The following AFF2 variants were observed in gnomAD, a reference collection of about 807,000 sequenced individuals.
AFF2 encodes the protein ALF transcription elongation factor 2, also known as AF4/FMR2 family member 2.
A neutral mutation model predicts 76.9 loss-of-function variants in AFF2; 14 were observed. The observed-to-expected ratio is 0.18, with a 90% CI of 0.12 to 0.28. AFF2 has a LOEUF of 0.28. AFF2 is among the 10% of genes least tolerant of loss of function. AFF2 has a pLI of 1.00. For missense variants in AFF2, 868 were observed against 1,001.1 expected (o/e 0.87, Z 1.79); for synonymous variants, 398 against 366.7 (o/e 1.09, Z -0.98).
chrX:148,618,562 G>A (rs1279717716), intron 1 of AFF2, among the ~76,000 whole-genome samples: 2 of 111,105 alleles, frequency 1.8e-5, no homozygotes, highest in African/African-American at 6.5e-5. Flanking sequence ...AGATTTGGGT[G>A]GGACACAGAG....
chrX:148,681,330 A>C (rs2054544025), intron 3 of AFF2, among the ~76,000 whole-genome samples: 1 of 111,705 alleles, frequency 9.0e-6, no homozygotes. Flanking sequence ...TAGCTGGGTT[A>C]TTATCAAGTG....
intron 1 of AFF2, among the ~76,000 whole-genome samples, chrX:148,599,601 T>C (rs2053607342): frequency 9.0e-6 from 1 of 111,657 alleles, no homozygotes; most frequent in Admixed American, 9.5e-5. Flanking sequence ...ATATTGAGTC[T>C]GCTGGTCTCT....
At chrX:148,917,608 A>G (rs1338098515) in intron 9 of AFF2, among the ~76,000 whole-genome samples, 1 of 111,872 alleles carries the variant, frequency 8.9e-6, no homozygotes, top group African/African-American at 3.3e-5. Context: ...CACAGGACTA[A>G]AAAGCATTCA....
intron 3 of AFF2, among the ~76,000 whole-genome samples, chrX:148,704,691 T>C (rs1403986092): frequency 1.9e-5 from 2 of 104,938 alleles, no homozygotes; most frequent in African/African-American, 7.0e-5. Context: ...CACACCCGGC[T>C]AATTTTTGTA....
intron 7 of AFF2, among the ~76,000 whole-genome samples, chrX:148,867,333 C>T (rs781851647): frequency 8.9e-6 from 1 of 112,029 alleles, no homozygotes; most frequent in South Asian, 3.7e-4. Flanking sequence ...CCTGGAGGTC[C>T]CTGGAGAAGG....
intron 7 of AFF2, among the ~76,000 whole-genome samples, chrX:148,880,778 T>A (rs1557278391): frequency 8.9e-6 from 1 of 111,894 alleles, no homozygotes. Flanking sequence ...ACACTGGTTC[T>A]GTCTCCAACA....
intron 3 of AFF2, among the ~76,000 whole-genome samples, chrX:148,668,721 C>T (rs1157161995): frequency 8.9e-6 from 1 of 112,020 alleles, no homozygotes; most frequent in African/African-American, 3.2e-5. Flanking sequence ...GCAGAGGGCC[C>T]TGGACCTGGC....
chrX:148,920,554 G>A (rs1603340416), intron 9 of AFF2, among the ~76,000 whole-genome samples: 1 of 111,346 alleles, frequency 9.0e-6, no homozygotes, highest in East Asian at 2.8e-4. Context: ...ATGGTGTTTT[G>A]AGGGATGTCA....
At chrX:148,767,425 G>T (rs971604150) in intron 3 of AFF2, among the ~76,000 whole-genome samples, 3 of 111,426 alleles carry the variant, frequency 2.7e-5, no homozygotes, top group South Asian at 3.8e-4. Context: ...TTTCTAAAAC[G>T]CAAACAAAGC....
At chrX:148,951,927 G>C (rs1271575892) in intron 9 of AFF2, among the ~76,000 whole-genome samples, 3 of 111,495 alleles carry the variant, frequency 2.7e-5, no homozygotes, top group African/African-American at 9.8e-5. Context: ...TGTACTTGTA[G>C]TTCGCATTTA....
chrX:148,990,298 C>T (rs782112026), intron 20 of AFF2, among the ~76,000 whole-genome samples: 29 of 111,796 alleles, frequency 2.6e-4, no homozygotes, highest in African/African-American at 6.8e-4. Context: ...GAGCATCCCA[C>T]GTTAGGGCAG....
rs928400240 is a variant in AFF2 at position 148,944,794 on chromosome X, C to T, written c.1398-8786C>T. Among the ~76,000 whole-genome samples, 6 of 110,269 alleles carry T rather than the reference C, an allele frequency of 5.4e-5. No homozygotes were observed. The South Asian group carries it at 1.2e-3, about 22-fold the overall frequency. On this transcript the variant is annotated intron_variant, in intron 9 of 20. Coordinates refer to ENST00000370460, the MANE Select transcript of AFF2 (RefSeq NM_002025.4). ...CCATGTACCATGGTGAGGTTGAATCCAGGTGCCTTTTTTTCATTCAGGTTG... is the reference window on the plus strand; with the variant it reads ...CCATGTACCATGGTGAGGTTGAATCTAGGTGCCTTTTTTTCATTCAGGTTG...
rs1471890746 is a variant in AFF2, at chrX:148,998,433, CT to C, written c.*7102del. On this transcript the variant is annotated 3_prime_UTR_variant, in exon 21 of 21. Transcript: ENST00000370460. ...TGTGTCCTGATTTAAAACATGCCCC[CT>C]GGAAAGGCATGCTGTATTATGAAAT... is the stretch of plus-strand genomic sequence containing the variant. 4.4e-5 allele frequency: 5 copies of C among 112,613 alleles called. No homozygotes were observed. Among genetic ancestry groups the C allele is most frequent in the African/African-American group, 1.3e-4 (4 of 30,876 alleles). The allele number at this position is 112,613 out of a possible 1,213,427, so 9.3% of individuals were successfully genotyped here.
chrX:148,737,843 G>C, intron 3 of AFF2, among the ~76,000 whole-genome samples: 1 of 111,542 alleles, frequency 9.0e-6, no homozygotes, highest in African/African-American at 3.3e-5. Context: ...GTTGGGTTTT[G>C]CTGAATGCTT....
chrX:148,722,503 C>A (rs1028865004), intron 3 of AFF2, among the ~76,000 whole-genome samples: 2 of 110,588 alleles, frequency 1.8e-5, no homozygotes, highest in South Asian at 4.0e-4. Context: ...GAGATGTCCT[C>A]TTTCATCAAT....
intron 4 of AFF2, among the ~76,000 whole-genome samples, chrX:148,826,571 G>A (rs1178954825): frequency 9.0e-6 from 1 of 111,515 alleles, no homozygotes; most frequent in Non-Finnish European, 1.9e-5. Context: ...AAGCTTTATA[G>A]CGTGCCTGTG....
intron 1 of AFF2, among the ~76,000 whole-genome samples, chrX:148,578,848 A>G (rs1281807816): frequency 8.9e-6 from 1 of 111,945 alleles, no homozygotes; most frequent in Admixed American, 9.5e-5. Context: ...AGGGACATAA[A>G]TGTTAGACTC....
intron 3 of AFF2, among the ~76,000 whole-genome samples, chrX:148,731,361 A>G (rs1250269668): frequency 3.6e-5 from 4 of 111,831 alleles, no homozygotes; most frequent in African/African-American, 9.7e-5. Flanking sequence ...CCCTCACTTG[A>G]TATCTGACTA....
At chrX:148,540,602 C>T (rs1467009119) in intron 1 of AFF2, among the ~76,000 whole-genome samples, 1 of 111,157 alleles carries the variant, frequency 9.0e-6, no homozygotes, top group Non-Finnish European at 1.9e-5. Context: ...GCAGACACCA[C>T]TTCCTGGGAG....
Sources: gnomAD v4.1 joint callset for allele counts (sites outside exome capture counted in the v4.1 genomes callset) on GRCh38, gnomAD v4.1.1 for gene constraint, MANE v1.5 for transcripts, NCBI Gene and HGNC (gene_info 2026-07-23, HGNC 2026-07-21) for gene names.